PCCA: variants seen among roughly 807,000 people sequenced by gnomAD.
PCCA encodes propionyl-CoA carboxylase alpha chain, mitochondrial.
A neutral mutation model predicts 101.3 loss-of-function variants in PCCA; 74 were observed. The ratio of observed to expected loss-of-function variants is 0.73; its 90% CI spans 0.61 to 0.89. The LOEUF (loss-of-function observed/expected upper bound fraction) is 0.89. Ranked by LOEUF, PCCA falls within the 40% of genes least tolerant of loss-of-function variation. The probability of loss-of-function intolerance (pLI) is 0.00; values close to 1 mark genes in which losing one functional copy is unlikely to be tolerated. For synonymous variants in PCCA, 294 were observed against 313.6 expected (o/e 0.94, Z 0.66); for missense variants, 891 against 907.0 (o/e 0.98, Z 0.23).
At chr13:100,104,880 T>C (rs1488779888) in intron 2 of PCCA, among the ~76,000 whole-genome samples, 1 of 151,886 alleles carries the variant, frequency 6.6e-6, no homozygotes, top group Non-Finnish European at 1.5e-5. Context: ...ATTTTTGTAT[T>C]TTTAGTAGAG....
At chr13:100,525,498 C>T (rs2087722431) in intron 22 of PCCA, among the ~76,000 whole-genome samples, 1 of 152,260 alleles carries the variant, frequency 6.6e-6, no homozygotes, top group Admixed American at 6.5e-5. Flanking sequence ...CCTGGCGGGG[C>T]CCAGAGTAGA....
At chr13:100,089,462 G>T (rs146912076) in intron 1 of PCCA, among the ~76,000 whole-genome samples, 1 of 152,394 alleles carries the variant, frequency 6.6e-6, no homozygotes, top group African/African-American at 2.4e-5. Flanking sequence ...GAGGCCTAGG[G>T]CAGAGGCAGT....
intron 16 of PCCA, among the ~76,000 whole-genome samples, chr13:100,314,186 G>A (rs1480844429): frequency 2.0e-5 from 3 of 152,106 alleles, no homozygotes; most frequent in Non-Finnish European, 4.4e-5. Context: ...CACAGAACTC[G>A]CAGAAACTCT....
At chr13:100,207,746 G>A (rs559462798) in intron 6 of PCCA, among the ~76,000 whole-genome samples, 7 of 152,062 alleles carry the variant, frequency 4.6e-5, no homozygotes, top group South Asian at 2.1e-4. Flanking sequence ...TTGGCCAGGC[G>A]TGGTGGCTCA....
chr13:100,194,823 G>A (rs554011207), intron 6 of PCCA, among the ~76,000 whole-genome samples: 24 of 152,156 alleles, frequency 1.6e-4, no homozygotes, highest in Non-Finnish European at 3.1e-4. Context: ...TTCACTAAGT[G>A]TGAGTGGACT....
chr13:100,477,073 A>G (rs1004144257), intron 21 of PCCA, among the ~76,000 whole-genome samples: 17 of 152,314 alleles, frequency 1.1e-4, no homozygotes, highest in African/African-American at 4.1e-4. Context: ...TTTACCGGGT[A>G]ATGACCGAGG....
chr13:100,450,484 A>G (rs1444959980), intron 21 of PCCA, among the ~76,000 whole-genome samples: 3 of 152,270 alleles, frequency 2.0e-5, no homozygotes, highest in South Asian at 2.1e-4. Flanking sequence ...TTCACCAGAT[A>G]TCATTTCTAA....
At chr13:100,213,957 G>A (rs574940038) in intron 7 of PCCA, among the ~76,000 whole-genome samples, 4 of 152,156 alleles carry the variant, frequency 2.6e-5, no homozygotes, top group South Asian at 2.1e-4. Flanking sequence ...CTGGTTATCC[G>A]GTTCTCCGAG....
chr13:100,274,711 G>T (rs1205303773), intron 12 of PCCA, among the ~76,000 whole-genome samples: 2 of 152,128 alleles, frequency 1.3e-5, no homozygotes, highest in Admixed American at 6.5e-5. Context: ...CCCGTTTTCT[G>T]TAGGGACACT....
At chr13:100,141,535 C>T (rs963153120) in intron 4 of PCCA, among the ~76,000 whole-genome samples, 4 of 152,104 alleles carry the variant, frequency 2.6e-5, no homozygotes, top group South Asian at 2.1e-4. Flanking sequence ...CTCAGCCTCC[C>T]GAGTAGCTGG....
intron 19 of PCCA, among the ~76,000 whole-genome samples, chr13:100,410,223 T>G (rs1595794172): frequency 6.6e-6 from 1 of 152,118 alleles, no homozygotes; most frequent in Non-Finnish European, 1.5e-5. Context: ...GGGAAATTTT[T>G]TTTGTTTTTG....
Position 100,478,441 on chromosome 13 carries a change from G to A in PCCA, c.1899+29136G>A, listed in dbSNP as rs981987887. Among the ~76,000 whole-genome samples the A allele has an allele frequency of 2.4e-4, 37 of 152,102 alleles. 1 individual carries two copies. The highest frequency in any genetic ancestry group is 5.0e-4 in the Non-Finnish European group (34 of 68,026). ...CTCAGCCCTCTTCTTGATGCTGGGC[G>A]GGTGCCTGGGAGGCCCCACCCCTTC... is the stretch of plus-strand genomic sequence containing the variant. On this transcript the variant is annotated intron_variant, in intron 21 of 23. Coordinates refer to ENST00000376285, the MANE Select transcript of PCCA (RefSeq NM_000282.4).
At chr13:100,265,015 T>A (rs2062833871) in intron 10 of PCCA, among the ~76,000 whole-genome samples, 1 of 152,238 alleles carries the variant, frequency 6.6e-6, no homozygotes, top group African/African-American at 2.4e-5. Context: ...ACTTTCATCC[T>A]TGCCTTCCTT....
chr13:100,177,365 C>A (rs144015109), intron 6 of PCCA, among the ~76,000 whole-genome samples: 7 of 152,198 alleles, frequency 4.6e-5, no homozygotes, highest in African/African-American at 1.4e-4. Context: ...ATTTTGTAGA[C>A]CTTTTTCAAT....
chr13:100,393,904 A>C (rs1290506501), intron 19 of PCCA, among the ~76,000 whole-genome samples: 1 of 152,206 alleles, frequency 6.6e-6, no homozygotes, highest in Non-Finnish European at 1.5e-5. Flanking sequence ...AGATCTACAA[A>C]ACTAGTTGGA....
At chr13:100,497,379 C>G (rs538082128) in intron 21 of PCCA, among the ~76,000 whole-genome samples, 31 of 152,118 alleles carry the variant, frequency 2.0e-4, no homozygotes, top group African/African-American at 7.0e-4. Flanking sequence ...ATCTGAGAAG[C>G]CTACTATTCT....
intron 6 of PCCA, among the ~76,000 whole-genome samples, chr13:100,195,043 C>A (rs1207178197): frequency 6.6e-6 from 1 of 151,544 alleles, no homozygotes; most frequent in African/African-American, 2.4e-5. Flanking sequence ...GTTCATGAAA[C>A]AATAAAAAGA....
chr13:100,126,535 G>C (rs1187148600), intron 4 of PCCA, among the ~76,000 whole-genome samples: 1 of 151,976 alleles, frequency 6.6e-6, no homozygotes, highest in Non-Finnish European at 1.5e-5. Context: ...TTAAATTGGG[G>C]GTGGGGGTGG....
chr13:100,449,200 A>G (rs2081048828), intron 20 of PCCA, 52 bp from the exon 21 acceptor site: 2 of 1,157,454 alleles, frequency 1.7e-6, no homozygotes, highest in Admixed American at 2.1e-5. Context: ...TGAACATTAC[A>G]TACAAGCTGT....
Sources: gnomAD v4.1 joint callset for allele counts (sites outside exome capture counted in the v4.1 genomes callset) on GRCh38, gnomAD v4.1.1 for gene constraint, MANE v1.5 for transcripts, NCBI Gene and HGNC (gene_info 2026-07-23, HGNC 2026-07-21) for gene names.